Variants in PRKN observed in about 807,000 individuals in gnomAD.
PRKN encodes the protein parkin RBR E3 ubiquitin protein ligase.
A neutral mutation model predicts 59.5 loss-of-function variants in PRKN; 56 were observed. The ratio of observed to expected loss-of-function variants is 0.94; its 90% CI spans 0.76 to 1.18. The LOEUF is 1.18. Among genes scored for constraint, PRKN ranks in the 50% most tolerant of loss-of-function variants. The pLI is 0.00. For missense variants in PRKN, 657 were observed against 596.4 expected (o/e 1.10, Z -1.06); for synonymous variants, 250 against 222.1 (o/e 1.13, Z -1.12).
intron 1 of PRKN, among the ~76,000 whole-genome samples, chr6:162,453,388 A>C (rs1428599424): frequency 6.6e-6 from 1 of 152,126 alleles, no homozygotes; most frequent in East Asian, 1.9e-4. Context: ...TCCACTTTTA[A>C]AATTATTTAG....
intron 4 of PRKN, among the ~76,000 whole-genome samples, chr6:162,196,074 G>A (rs1170010083): frequency 6.6e-6 from 1 of 152,188 alleles, no homozygotes; most frequent in East Asian, 1.9e-4. Context: ...CTTTCTTGAG[G>A]AGGCACAAGT....
intron 1 of PRKN, among the ~76,000 whole-genome samples, chr6:162,560,932 A>G (rs1380274283): frequency 6.8e-6 from 1 of 147,834 alleles, no homozygotes; most frequent in African/African-American, 2.5e-5. Context: ...TATGAGGGTG[A>G]TAACAGAGAT....
intron 5 of PRKN, among the ~76,000 whole-genome samples, chr6:161,988,599 T>C (rs1331710404): frequency 6.6e-6 from 1 of 151,916 alleles, no homozygotes; most frequent in African/African-American, 2.4e-5. Context: ...CTTGAGAATA[T>C]AAGAATTTTA....
chr6:162,140,338 C>T (rs949144289), intron 4 of PRKN, among the ~76,000 whole-genome samples: 6 of 152,136 alleles, frequency 3.9e-5, no homozygotes, highest in African/African-American at 9.7e-5. Context: ...TGCAAACACA[C>T]GACTCTTTCA....
rs1278369828 is a variant in PRKN at position 161,935,474 on chromosome 6, A to T, written c.734+37828T>A. Among the ~76,000 whole-genome samples, 3 of 151,316 alleles carry T rather than the reference A, an allele frequency of 2.0e-5. No homozygotes were observed. The East Asian group carries it at 5.8e-4, about 29-fold the overall frequency. ...GAGGCTGAGGTGGGAGGATTGCTTA[A>T]GCCGGGGAAGTTGAGGCTGCAGTGA... On this transcript the variant is annotated intron_variant, in intron 6 of 11. Coordinates refer to ENST00000366898, the MANE Select transcript of PRKN (RefSeq NM_004562.3).
intron 5 of PRKN, among the ~76,000 whole-genome samples, chr6:162,045,692 T>C (rs538065856): frequency 6.4e-4 from 98 of 152,384 alleles, no homozygotes; most frequent in African/African-American, 2.3e-3. Context: ...AGCTCCTTAA[T>C]GACCGCCATC....
At chr6:162,664,331 G>A (rs1047852866) in intron 1 of PRKN, among the ~76,000 whole-genome samples, 1 of 152,126 alleles carries the variant, frequency 6.6e-6, no homozygotes, top group African/African-American at 2.4e-5. Context: ...CTTTGCTATT[G>A]TGAACAGTGC....
At chr6:161,884,836 G>A (rs1795072894) in intron 6 of PRKN, among the ~76,000 whole-genome samples, 1 of 152,084 alleles carries the variant, frequency 6.6e-6, no homozygotes, top group Admixed American at 6.5e-5. Context: ...CATTTTATAT[G>A]AGAATCAAAT....
chr6:162,596,900 G>A (rs1039223120), intron 1 of PRKN, among the ~76,000 whole-genome samples: 23 of 152,044 alleles, frequency 1.5e-4, no homozygotes, highest in Admixed American at 1.4e-3. Flanking sequence ...TCCGATCCCC[G>A]CCACCTCCTA....
At position 162,548,420 on chromosome 6, in the gene PRKN, AT is replaced by A. The variant is rs1488303295; in HGVS notation, c.8-104948del. Among the ~76,000 whole-genome samples, 7 of 152,234 alleles carry A rather than the reference AT, an allele frequency of 4.6e-5. No homozygotes were observed. The South Asian group carries it at 6.2e-4, about 14-fold the overall frequency. ...AATGCATACTTAGGTTTCTGCCTAT[AT>A]TTCCTGAGAGAAAATCATGCCTCAA... On this transcript the variant is annotated intron_variant, in intron 1 of 11. Transcript: ENST00000366898.
chr6:162,723,764 T>C lies in PRKN; in HGVS notation c.7+3898A>G, dbSNP rs367899947. Among the ~76,000 whole-genome samples, 23 of 152,358 alleles carry C rather than the reference T, an allele frequency of 1.5e-4. No homozygotes were observed. The East Asian group carries it at 2.5e-3, about 17-fold the overall frequency. ...GTAAAAAGATATGGCCACAAACACT[T>C]CTGACAACAGTTGTCTGTAAACCTA... On this transcript the variant is annotated intron_variant, in intron 1 of 11. Coordinates refer to ENST00000366898, the MANE Select transcript of PRKN (RefSeq NM_004562.3).
At chr6:162,185,752 G>A (rs1247378158) in intron 4 of PRKN, among the ~76,000 whole-genome samples, 8 of 152,042 alleles carry the variant, frequency 5.3e-5, no homozygotes, top group East Asian at 1.9e-4. Flanking sequence ...CGGCATCCAT[G>A]GCCTCAACAA....
At chr6:161,759,786 T>C (rs898261375) in intron 7 of PRKN, among the ~76,000 whole-genome samples, 1 of 152,168 alleles carries the variant, frequency 6.6e-6, no homozygotes, top group South Asian at 2.1e-4. Flanking sequence ...TTGCAGAGTA[T>C]ATATCTGGTG....
chr6:162,242,406 A>G lies in PRKN; in HGVS notation c.412+20119T>C, dbSNP rs145043544. ...TCATACAGAAAGCAGACTGCCTAAC[A>G]TGAACCTCTTAGTAGTCAGAGCGAC... On this transcript the variant is annotated intron_variant, in intron 3 of 11. Coordinates refer to ENST00000366898, the MANE Select transcript of PRKN (RefSeq NM_004562.3). 4.4e-3 allele frequency among the ~76,000 whole-genome samples: 671 copies of G among 152,270 alleles called. 2 individuals are homozygous for G. Among genetic ancestry groups the G allele is most frequent in the Middle Eastern group, 6.8e-3 (2 of 294 alleles).
chr6:161,978,453 A>T (rs74546717), intron 5 of PRKN, among the ~76,000 whole-genome samples: 11,588 of 152,304 alleles, frequency 0.076, 516 homozygotes, highest in Middle Eastern at 0.11. Flanking sequence ...AAAGGAACAC[A>T]CAATAGAAGT....
chr6:161,801,389 T>C (rs1791070630), intron 6 of PRKN, among the ~76,000 whole-genome samples: 1 of 152,260 alleles, frequency 6.6e-6, no homozygotes, highest in Non-Finnish European at 1.5e-5. Flanking sequence ...GGGAGAAAGA[T>C]GGGGCTATAA....
At chr6:162,158,216 C>T (rs1392855506) in intron 4 of PRKN, among the ~76,000 whole-genome samples, 5 of 152,080 alleles carry the variant, frequency 3.3e-5, no homozygotes, top group Admixed American at 1.3e-4. Context: ...TCATATAGTT[C>T]TAAATAATAA....
chr6:162,645,214 C>A (rs1469066554), intron 1 of PRKN, among the ~76,000 whole-genome samples: 2 of 152,090 alleles, frequency 1.3e-5, no homozygotes, highest in East Asian at 3.8e-4. Flanking sequence ...CCTTTGCTAT[C>A]TTCCTAACAT....
chr6:161,861,652 C>T (rs1220814427), intron 6 of PRKN, among the ~76,000 whole-genome samples: 3 of 151,090 alleles, frequency 2.0e-5, no homozygotes, highest in South Asian at 2.1e-4. Flanking sequence ...TCGTCAGTTG[C>T]ACCCCTTTTT....
Sources: allele counts gnomAD v4.1 joint callset (sites outside exome capture counted in the v4.1 genomes callset), GRCh38; gene constraint gnomAD v4.1.1; transcripts MANE v1.5; gene names NCBI Gene and HGNC (gene_info 2026-07-23, HGNC 2026-07-21).